The following TSPEAR variants were observed in gnomAD, a reference collection of about 807,000 sequenced individuals.
The protein encoded by TSPEAR is thrombospondin type laminin G domain and EAR repeats.
TSPEAR carries 69 observed loss-of-function variants against 71.6 expected under a neutral mutation model. That is an observed-to-expected ratio of 0.96 (90% confidence interval 0.79 to 1.18). The LOEUF (loss-of-function observed/expected upper bound fraction) is 1.18, where lower values mean the gene tolerates loss of function less well. Ranked by LOEUF, TSPEAR falls within the 50% of genes most tolerant of loss-of-function variation. The probability of loss-of-function intolerance (pLI) is 0.00; values close to 1 mark genes in which losing one functional copy is unlikely to be tolerated. For missense variants in TSPEAR, 971 were observed against 894.9 expected (o/e 1.09, Z -1.09); for synonymous variants, 402 against 387.2 (o/e 1.04, Z -0.45).
intron 1 of TSPEAR, among the ~76,000 whole-genome samples, chr21:44,673,829 T>C (rs1431120744): frequency 2.0e-5 from 3 of 151,988 alleles, no homozygotes; most frequent in Non-Finnish European, 2.9e-5. Context: ...TGTACAAATA[T>C]GTGGAAATTG....
At chr21:44,627,234 C>T (rs782735307) in intron 1 of TSPEAR, 1 of 1,612,828 alleles carries the variant, frequency 6.2e-7, no homozygotes, top group Non-Finnish European at 8.5e-7. Flanking sequence ...AGGTGGACGA[C>T]TGCCCAGAGA....
At chr21:44,654,518 T>C (rs1176551438) in intron 1 of TSPEAR, 1 of 1,612,824 alleles carries the variant, frequency 6.2e-7, no homozygotes, top group African/African-American at 1.3e-5. Context: ...CAGCAGGAGG[T>C]CCCATAGCCC....
chr21:44,626,601 C>T (rs1982800279), intron 1 of TSPEAR, among the ~76,000 whole-genome samples: 1 of 152,140 alleles, frequency 6.6e-6, no homozygotes, highest in African/African-American at 2.4e-5. Context: ...ACAGGGTGGG[C>T]AATGAACAGA....
chr21:44,569,478 G>A (rs902129244), intron 1 of TSPEAR, among the ~76,000 whole-genome samples: 1 of 152,090 alleles, frequency 6.6e-6, no homozygotes, highest in African/African-American at 2.4e-5. Context: ...GATGTGGCAG[G>A]ACACACCATG....
intron 1 of TSPEAR, among the ~76,000 whole-genome samples, chr21:44,680,909 C>G (rs1483910318): frequency 6.6e-6 from 1 of 150,750 alleles, no homozygotes; most frequent in East Asian, 1.9e-4. Context: ...TACAAACATA[C>G]AGTTACACAG....
chr21:44,587,278 T>C (rs1555925816), intron 1 of TSPEAR, among the ~76,000 whole-genome samples: 1 of 152,076 alleles, frequency 6.6e-6, no homozygotes, highest in Non-Finnish European at 1.5e-5. Context: ...AAGAACTCAA[T>C]CCCTTTTACA....
At position 44,527,400 on chromosome 21, in the gene TSPEAR, G is replaced by A. The variant is rs782662239; in HGVS notation, c.1041C>T (p.Arg347=). The A allele has an allele frequency of 6.2e-7, 1 of 1,614,206 alleles. No individual in the cohort carries two copies. Among genetic ancestry groups the A allele is most frequent in the Non-Finnish European group, 8.5e-7 (1 of 1,180,040 alleles). ...ACTTGTAGACGGCGGATGTGGCTTT[G>A]CGATTGGCTGTGGCCACAAAGAGCC... ...QVGLFVATAN[R]KATSAVYKWT... is the part of the protein sequence containing the mutation. The change falls in exon 7 of 12, where the codon CGC becomes CGT. Residue 347 remains arginine (R), a synonymous_variant. Coordinates refer to ENST00000323084, the MANE Select transcript of TSPEAR (RefSeq NM_144991.3).
intron 2 of TSPEAR, among the ~76,000 whole-genome samples, chr21:44,556,910 G>A (rs1313655329): frequency 6.6e-6 from 1 of 152,146 alleles, no homozygotes; most frequent in Non-Finnish European, 1.5e-5. Flanking sequence ...CGGCCACCTC[G>A]TGAAAGCTTT....
intron 1 of TSPEAR, chr21:44,646,500 C>A (rs199741274): frequency 1.4e-5 from 22 of 1,612,964 alleles, no homozygotes; most frequent in Non-Finnish European, 1.9e-5. Flanking sequence ...GCGCTTACTC[C>A]GACTCCTGGC....
At chr21:44,701,066 A>C (rs144245954) in intron 1 of TSPEAR, among the ~76,000 whole-genome samples, 1 of 152,314 alleles carries the variant, frequency 6.6e-6, no homozygotes, top group East Asian at 1.9e-4. Flanking sequence ...ATCTGCCCTT[A>C]TAGTGAGGAA....
chr21:44,510,468 G>A (rs1176209918), intron 9 of TSPEAR, among the ~76,000 whole-genome samples: 2 of 152,198 alleles, frequency 1.3e-5, no homozygotes, highest in East Asian at 1.9e-4. Context: ...GCAAGGGCCC[G>A]GCTCAGACGC....
chr21:44,515,440 C>T (rs1482286243), intron 9 of TSPEAR: 4 of 152,390 alleles, frequency 2.6e-5, no homozygotes, highest in Admixed American at 2.6e-4. Flanking sequence ...AGCCGTGCTT[C>T]CTTCTGTCTG....
intron 1 of TSPEAR, among the ~76,000 whole-genome samples, chr21:44,638,665 G>C (rs587606404): frequency 2.0e-5 from 3 of 151,820 alleles, no homozygotes; most frequent in African/African-American, 7.2e-5. Flanking sequence ...AACCCTGAAG[G>C]CCAGTCTCCC....
In TSPEAR at chr21:44,627,106, C is replaced by T. The variant is rs782536568; in HGVS notation, c.83-59101G>A. ...CCCAAGAACCTCACACACTCACAAA[C>T]TCACTCACTGACACACTCACACACT... On this transcript the variant is annotated intron_variant, in intron 1 of 11. Coordinates refer to ENST00000323084, the MANE Select transcript of TSPEAR (RefSeq NM_144991.3). 2.5e-4 allele frequency: 395 copies of T among 1,574,146 alleles called. 1 individual carries two copies. Among genetic ancestry groups the T allele is most frequent in the Non-Finnish European group, 3.3e-4 (382 of 1,158,292 alleles).
intron 1 of TSPEAR, among the ~76,000 whole-genome samples, chr21:44,674,650 G>A (rs1171769977): frequency 1.3e-5 from 2 of 152,090 alleles, no homozygotes; most frequent in Non-Finnish European, 2.9e-5. Context: ...CCAGGAGGTG[G>A]AGGCTGTGGT....
Position 44,606,754 on chromosome 21 carries a change from C to T in TSPEAR, c.83-38749G>A, listed in dbSNP as rs184232143. ...TGGACCTGGAGGACATTATGCTAAGCGAAATAAGCCAGGCACAGAAAGACA... is the reference window on the plus strand; with the variant it reads ...TGGACCTGGAGGACATTATGCTAAGTGAAATAAGCCAGGCACAGAAAGACA... On this transcript the variant is annotated intron_variant, in intron 1 of 11. Coordinates refer to ENST00000323084, the MANE Select transcript of TSPEAR (RefSeq NM_144991.3). 5.9e-5 allele frequency among the ~76,000 whole-genome samples: 9 copies of T among 152,162 alleles called. No individual in the cohort carries two copies. In the East Asian group the frequency reaches 1.4e-3, roughly 23 times the overall value.
rs781819014 is a variant in TSPEAR, at chr21:44,511,332, TACAC to T, written c.1567-1950_1567-1947del. On this transcript the variant is annotated intron_variant, in intron 9 of 11. Transcript: ENST00000323084. ...ACACATGCACGCCTGCATGCATGCA[TACAC>T]ACACAAACATGCATATGCACTGTGT... Among the ~76,000 whole-genome samples, 889 of 152,078 alleles carry T rather than the reference TACAC, an allele frequency of 5.8e-3. 12 individuals carry two copies. The highest frequency in any genetic ancestry group is 0.019 in the African/African-American group (801 of 41,490).
chr21:44,525,758 G>A lies in TSPEAR; in HGVS notation c.1231C>T (p.Leu411=). The part of the protein sequence containing the change: ...SVIYKWSHRK[L]KFTPYQSIAT... ...ATGCTCTGATATGGGGTAAACTTCA[G>A]CTTTCTGTGGCTCCATTTGTAAATG... The change falls in exon 8 of 12, where the codon CTG becomes TTG. Residue 411 remains leucine, a synonymous_variant. Transcript: ENST00000323084. 1 of 1,614,184 alleles carries A rather than the reference G, an allele frequency of 6.2e-7. No individual in the cohort carries two copies.
chr21:44,575,523 C>T (rs952123780), intron 1 of TSPEAR, among the ~76,000 whole-genome samples: 11 of 152,184 alleles, frequency 7.2e-5, no homozygotes, highest in South Asian at 2.1e-4. Flanking sequence ...CGGACATGGA[C>T]GCGGGGAGCC....
Sources: allele counts gnomAD v4.1 joint callset (sites outside exome capture counted in the v4.1 genomes callset), GRCh38; gene constraint gnomAD v4.1.1; transcripts MANE v1.5; gene names NCBI Gene and HGNC (gene_info 2026-07-23, HGNC 2026-07-21).